MAGT1: variants seen among roughly 807,000 people sequenced by gnomAD.
The protein encoded by MAGT1 is dolichyl-diphosphooligosaccharide--protein glycosyltransferase subunit MAGT1.
A neutral mutation model predicts 28.4 loss-of-function variants in MAGT1; 4 were observed. The observed-to-expected ratio is 0.14, with a 90% CI of 0.07 to 0.32. MAGT1 has a LOEUF of 0.32. Ranked by LOEUF, MAGT1 falls within the 10% of genes least tolerant of loss-of-function variation. The pLI, the probability that MAGT1 is intolerant of heterozygous loss-of-function variation, is 1.00. For synonymous variants in MAGT1, 89 were observed against 89.7 expected (o/e 0.99, Z 0.04); for missense variants, 193 against 264.5 (o/e 0.73, Z 1.88).
At chrX:77,852,328 T>C (rs2076970819) in intron 7 of MAGT1, among the ~76,000 whole-genome samples, 1 of 112,402 alleles carries the variant, frequency 8.9e-6, no homozygotes, top group Non-Finnish European at 1.9e-5. Context: ...ATATTTTCCA[T>C]AGTGCATAAG....
intron 1 of MAGT1, among the ~76,000 whole-genome samples, chrX:77,883,967 T>C (rs1359239911): frequency 9.0e-6 from 1 of 111,117 alleles, no homozygotes; most frequent in Non-Finnish European, 1.9e-5. Context: ...TCAAGTCGGA[T>C]GGATCACTTG....
At position 77,865,434 on chromosome X, in the gene MAGT1, C is replaced by T. The variant is rs191397250; in HGVS notation, c.390+5374G>A. ...CCTCCCGAGTAGCTGGGACTACAGG[C>T]GCACACCACCATGCCCGTCTAATTT... On this transcript the variant is annotated intron_variant, in intron 3 of 9. Coordinates refer to ENST00000618282, the MANE Select transcript of MAGT1 (RefSeq NM_001367916.1). Among the ~76,000 whole-genome samples the T allele has an allele frequency of 2.2e-4, 24 of 109,909 alleles. No individual in the cohort carries two copies. The East Asian group carries it at 3.4e-3, about 16-fold the overall frequency.
At chrX:77,839,323 A>C (rs1463511130) in intron 8 of MAGT1, among the ~76,000 whole-genome samples, 1 of 105,778 alleles carries the variant, frequency 9.5e-6, no homozygotes, top group Non-Finnish European at 1.9e-5. Context: ...AACAACAACA[A>C]AACCAATGAA....
At chrX:77,878,837 A>G (rs1423705266) in intron 1 of MAGT1, among the ~76,000 whole-genome samples, 1 of 109,937 alleles carries the variant, frequency 9.1e-6, no homozygotes, top group Non-Finnish European at 1.9e-5. Flanking sequence ...TCTGGCAACT[A>G]AAGATACATT....
chrX:77,892,751 C>T (rs782185859), intron 1 of MAGT1, among the ~76,000 whole-genome samples: 7 of 110,790 alleles, frequency 6.3e-5, no homozygotes, highest in Non-Finnish European at 9.5e-5. Flanking sequence ...GAGCTATGAT[C>T]ATGCCACTAC....
chrX:77,873,748 TA>T (rs1186648280), intron 2 of MAGT1, among the ~76,000 whole-genome samples: 1 of 111,595 alleles, frequency 9.0e-6, no homozygotes, highest in Non-Finnish European at 1.9e-5. Context: ...TCACCTTACC[TA>T]TTTATTATTT....
chrX:77,882,443 T>C (rs2077055274), intron 1 of MAGT1, among the ~76,000 whole-genome samples: 3 of 112,024 alleles, frequency 2.7e-5, no homozygotes, highest in Non-Finnish European at 5.6e-5. Context: ...AATACAAATA[T>C]GATTTGACTA....
intron 7 of MAGT1, among the ~76,000 whole-genome samples, chrX:77,852,064 A>G (rs1249614654): frequency 1.9e-5 from 2 of 107,057 alleles, no homozygotes; most frequent in African/African-American, 6.8e-5. Context: ...ACGCTCAGCT[A>G]ATTTTTTTTT....
chrX:77,883,393 C>CTT (rs1177897348), intron 1 of MAGT1, among the ~76,000 whole-genome samples: 1 of 107,178 alleles, frequency 9.3e-6, no homozygotes, highest in African/African-American at 3.4e-5. Context: ...TATTAACAGA[C>CTT]TAGAAAGACC....
In MAGT1 at chrX:77,827,309, AG is replaced by A. The variant is rs1436536782; in HGVS notation, c.*1910del. On this transcript the variant is annotated 3_prime_UTR_variant, in exon 10 of 10. Coordinates refer to ENST00000618282, the MANE Select transcript of MAGT1 (RefSeq NM_001367916.1). ...ATTGGTACTTTGTTTCTCCACCTAA[AG>A]GAAGAGAATAAAGACTAAAATAACA... The A allele has an allele frequency of 8.9e-6, 1 of 112,064 alleles. No homozygotes were observed. The highest frequency in any genetic ancestry group is 1.9e-5 in the Non-Finnish European group (1 of 53,222). The allele number at this position is 112,064 out of a possible 1,213,427, so 9.2% of individuals were successfully genotyped here.
At chrX:77,848,427 G>T (rs1454064564) in intron 7 of MAGT1, among the ~76,000 whole-genome samples, 1 of 112,129 alleles carries the variant, frequency 8.9e-6, no homozygotes, top group Non-Finnish European at 1.9e-5. Context: ...CTAAGGTCAG[G>T]AGTTCGAGAC....
chrX:77,883,983 A>T (rs1179812787), intron 1 of MAGT1, among the ~76,000 whole-genome samples: 1 of 110,968 alleles, frequency 9.0e-6, no homozygotes, highest in African/African-American at 3.3e-5. Context: ...ACTTGATGTC[A>T]GGAGTTTGAG....
At chrX:77,860,351 G>A (rs2076991715) in intron 3 of MAGT1, among the ~76,000 whole-genome samples, 1 of 110,876 alleles carries the variant, frequency 9.0e-6, no homozygotes, top group African/African-American at 3.3e-5. Context: ...GCCTCCCAAA[G>A]TGCTGGCATT....
intron 1 of MAGT1, among the ~76,000 whole-genome samples, chrX:77,879,863 G>GTCTCACTC (rs1248894224): frequency 2.5e-5 from 2 of 81,307 alleles, no homozygotes; most frequent in African/African-American, 9.7e-5. Context: ...TTTAGACAGA[G>GTCTCACTC]TCTCACTCTG....
chrX:77,872,733 C>T (rs1557217422), intron 2 of MAGT1, among the ~76,000 whole-genome samples: 1 of 111,826 alleles, frequency 8.9e-6, no homozygotes, highest in African/African-American at 3.2e-5. Context: ...TGAAATTTTA[C>T]AGTATTTATT....
intron 1 of MAGT1, among the ~76,000 whole-genome samples, chrX:77,877,261 G>A (rs781905403): frequency 9.1e-6 from 1 of 110,395 alleles, no homozygotes; most frequent in South Asian, 3.7e-4. Flanking sequence ...GGAGGCCAAG[G>A]TGGGCAGATC....
At chrX:77,854,281 T>C (rs1027884329) in intron 6 of MAGT1, among the ~76,000 whole-genome samples, 11 of 111,123 alleles carry the variant, frequency 9.9e-5, no homozygotes, top group African/African-American at 3.6e-4. Context: ...TCCGGTGATC[T>C]TCCTGCCTCA....
intron 8 of MAGT1, among the ~76,000 whole-genome samples, chrX:77,838,456 T>TAA (rs781869286): frequency 1.1e-5 from 1 of 91,956 alleles, no homozygotes; most frequent in African/African-American, 4.0e-5. Flanking sequence ...GGCCTGGCCT[T>TAA]AAAAAAAAAA....
intron 7 of MAGT1, 87 bp from the exon 8 acceptor site, chrX:77,841,407 A>C: frequency 1.5e-6 from 1 of 664,662 alleles, no homozygotes; most frequent in Non-Finnish European, 2.5e-6. Flanking sequence ...AGAAAATTAA[A>C]ATGAATATAT....
Sources: allele counts gnomAD v4.1 joint callset (sites outside exome capture counted in the v4.1 genomes callset), GRCh38; gene constraint gnomAD v4.1.1; transcripts MANE v1.5; gene names NCBI Gene and HGNC (gene_info 2026-07-23, HGNC 2026-07-21).